The following TCN2 variants were observed in gnomAD, a reference collection of about 807,000 sequenced individuals.
The protein encoded by TCN2 is transcobalamin-2.
Under a neutral mutation model 48.6 loss-of-function variants are expected in TCN2, and 34 were observed. The ratio of observed to expected loss-of-function variants is 0.70; its 90% CI spans 0.53 to 0.93. The LOEUF is 0.93. Ranked by LOEUF, TCN2 falls within the 40% of genes least tolerant of loss-of-function variation. TCN2 has a pLI of 0.00. For missense variants in TCN2, 652 were observed against 526.1 expected (o/e 1.24, Z -2.34); for synonymous variants, 283 against 212.5 (o/e 1.33, Z -2.89).
intron 4 of TCN2, 146 bp downstream of exon 4, chr22:30,614,647 C>A: frequency 8.1e-7 from 1 of 1,231,940 alleles, no homozygotes; most frequent in Non-Finnish European, 1.1e-6. Flanking sequence ...TTGGCGAGGG[C>A]TCATGGGTGA....
rs73170808 is a variant in TCN2 at position 30,622,321 on chromosome 22, A to G, written c.1107-647A>G. ...GGAGTTTTAAGAGGCTTCCTGTGGC[A>G]GTGGCATCCAGACGGAGTGCAGAAA... is the stretch of plus-strand genomic sequence containing the variant. On this transcript the variant is annotated intron_variant, in intron 7 of 8. Coordinates refer to ENST00000215838, the MANE Select transcript of TCN2 (RefSeq NM_000355.4). 2.4e-3 allele frequency among the ~76,000 whole-genome samples: 369 copies of G among 152,332 alleles called. 1 individual carries two copies. The highest frequency in any genetic ancestry group is 3.8e-3 in the Non-Finnish European group (259 of 68,022).
intron 3 of TCN2, among the ~76,000 whole-genome samples, chr22:30,613,460 G>A (rs1156236562): frequency 6.6e-6 from 1 of 152,024 alleles, no homozygotes; most frequent in African/African-American, 2.4e-5. Context: ...TGTATTTTTA[G>A]TAGACGTGGG....
intron 5 of TCN2, 40 bp downstream of exon 5, chr22:30,615,513 C>G (rs554028117): frequency 3.1e-6 from 5 of 1,608,430 alleles, no homozygotes; most frequent in African/African-American, 1.3e-5. Context: ...CCCTGGGGAA[C>G]AGTCAGGGGT....
chr22:30,616,492 A>G (rs867215174), intron 6 of TCN2, among the ~76,000 whole-genome samples: 1,994 of 151,058 alleles, frequency 0.013, 37 homozygotes, highest in African/African-American at 0.046. Context: ...TGTCTCAAAA[A>G]AAAAAAAAAA....
chr22:30,612,856 A>G lies in TCN2; in HGVS notation c.258-17A>G. On this transcript the variant is annotated splice_polypyrimidine_tract_variant and intron_variant, in intron 2 of 8. Coordinates refer to ENST00000215838, the MANE Select transcript of TCN2 (RefSeq NM_000355.4). Reference sequence around the variant, plus strand: ...GGTGGCAGTTTCTCACAAAGGCATTAACTGGCCTTGTCCTAGGTCTGCCTT... The same window carrying G: ...GGTGGCAGTTTCTCACAAAGGCATTGACTGGCCTTGTCCTAGGTCTGCCTT... 1 of 1,612,766 alleles carries G rather than the reference A, an allele frequency of 6.2e-7. No homozygotes were observed. Among genetic ancestry groups the G allele is most frequent in the Non-Finnish European group, 8.5e-7 (1 of 1,179,936 alleles).
chr22:30,608,607 C>G (rs768148453), intron 1 of TCN2, among the ~76,000 whole-genome samples: 1 of 151,404 alleles, frequency 6.6e-6, no homozygotes, highest in Admixed American at 6.6e-5. Flanking sequence ...CCAGGCTGGT[C>G]TCGAACTCCT....
In TCN2 at chr22:30,626,514, G is replaced by A. The variant is rs1368832999; in HGVS notation, c.1277G>A (p.Ser426Asn). The A allele has an allele frequency of 6.2e-7, 1 of 1,614,122 alleles. No homozygotes were observed. The highest frequency in any genetic ancestry group is 8.5e-7 in the Non-Finnish European group (1 of 1,180,030). Reference sequence around the variant, plus strand: ...GAAACCATTGAGCTGAGGCTGGTTAGCTGGTAGCCCCTGAGCTCCCTCATC... The same window carrying A: ...GAAACCATTGAGCTGAGGCTGGTTAACTGGTAGCCCCTGAGCTCCCTCATC... ...DGETIELRLV[S>N]W The change falls in exon 9 of 9, where the codon AGC (serine) becomes AAC (asparagine). Residue 426 changes from serine (S) to asparagine (N), a missense_variant. Coordinates refer to ENST00000215838, the MANE Select transcript of TCN2 (RefSeq NM_000355.4).
In TCN2 at chr22:30,620,259, C is replaced by T. The variant is rs140004888; in HGVS notation, c.1107-2709C>T. On this transcript the variant is annotated intron_variant, in intron 7 of 8. Coordinates refer to ENST00000215838, the MANE Select transcript of TCN2 (RefSeq NM_000355.4). ...TTGAGGCCAGGAGTTCAAAACCAGC[C>T]GGGCCAACGTGGCGAAAGCCCGTCT... Among the ~76,000 whole-genome samples, 747 of 152,256 alleles carry T rather than the reference C, an allele frequency of 4.9e-3. 6 individuals carry two copies. The highest frequency in any genetic ancestry group is 0.026 in the South Asian group (124 of 4,826).
At position 30,615,386 on chromosome 22, in the gene TCN2, CA is replaced by C; in HGVS notation, c.667del (p.Ile223SerfsTer9). 1 of 1,614,170 alleles carries C rather than the reference CA, an allele frequency of 6.2e-7. No individual in the cohort carries two copies. The stretch of plus-strand genomic sequence containing the variant: ...GTCGGAGACAACGGATCACCATGGC[CA>C]TCAGAACAGTGCGAGAGGAGATCTT... Reference protein sequence around the residue: ...PGRRQRITMAIRTVREEILKA... With the variant: ...PGRRQRITMAXRTVREEILKA... On this transcript the variant is annotated frameshift_variant, in exon 5 of 9. Coordinates refer to ENST00000215838, the MANE Select transcript of TCN2 (RefSeq NM_000355.4). LOFTEE classifies it high-confidence loss of function.
intron 6 of TCN2, among the ~76,000 whole-genome samples, chr22:30,616,100 C>G (rs1449383563): frequency 1.3e-5 from 2 of 152,024 alleles, no homozygotes; most frequent in Non-Finnish European, 1.5e-5. Context: ...TTGGTTAACT[C>G]TAATACAACA....
chr22:30,610,218 C>T (rs1038359563), intron 1 of TCN2: 4 of 471,018 alleles, frequency 8.5e-6, no homozygotes, highest in African/African-American at 6.0e-5. Flanking sequence ...AATCTCAGGT[C>T]CTCTTCATTT....
intron 7 of TCN2, among the ~76,000 whole-genome samples, chr22:30,618,370 G>C (rs555896343): frequency 6.6e-6 from 1 of 150,828 alleles, no homozygotes; most frequent in African/African-American, 2.4e-5. Flanking sequence ...TATTTATTTC[G>C]AGACAGAGCC....
At position 30,607,293 on chromosome 22, in the gene TCN2, TC is replaced by T; in HGVS notation, c.-36del. ...CAGCAGGGCCAGCCCCAGGAGTCTTTCCCGATTCTTGCTCACTGCTCACCCA... is the reference window on the plus strand; with the variant it reads ...CAGCAGGGCCAGCCCCAGGAGTCTTTCCGATTCTTGCTCACTGCTCACCCA... On this transcript the variant is annotated 5_prime_UTR_variant, in exon 1 of 9. Transcript: ENST00000215838. 2 of 1,613,582 alleles carry T rather than the reference TC, an allele frequency of 1.2e-6. No homozygotes were observed. Among genetic ancestry groups the T allele is most frequent in the Non-Finnish European group, 1.7e-6 (2 of 1,179,590 alleles).
At chr22:30,610,789 G>A in intron 1 of TCN2, 82 bp from the exon 2 acceptor site, 1 of 1,482,208 alleles carries the variant, frequency 6.7e-7, no homozygotes, top group Non-Finnish European at 9.4e-7. Flanking sequence ...GTATTCTCTG[G>A]AGAAGGCCCT....
intron 8 of TCN2, chr22:30,623,344 T>G: frequency 7.0e-6 from 3 of 431,328 alleles, no homozygotes; most frequent in East Asian, 4.3e-5. Flanking sequence ...TAGGATATAC[T>G]ACCTAGGAAT....
rs1258577765 is a variant in TCN2 at position 30,615,357 on chromosome 22, C to T, written c.637C>T (p.Pro213Ser). The T allele has an allele frequency of 1.2e-6, 2 of 1,614,086 alleles. No individual in the cohort carries two copies. The highest frequency in any genetic ancestry group is 1.1e-5 in the South Asian group (1 of 91,086). Reference sequence around the variant, plus strand: ...CTGTCTGAAGCGCTCAAACTTCAACCCTGGTCGGAGACAACGGATCACCAT... The same window carrying T: ...CTGTCTGAAGCGCTCAAACTTCAACTCTGGTCGGAGACAACGGATCACCAT... ...FTCLKRSNFN[P>S]GRRQRITMAI... The change falls in exon 5 of 9, where the codon CCT (proline) becomes TCT (serine). Residue 213 changes from proline to serine, a missense_variant. By Grantham distance (74) the Pro-to-Ser change is moderately conservative. Coordinates refer to ENST00000215838, the MANE Select transcript of TCN2 (RefSeq NM_000355.4).
At chr22:30,626,382 TG>T (rs913908386) in intron 8 of TCN2, 77 bp from the exon 9 acceptor site, 2 of 1,466,732 alleles carry the variant, frequency 1.4e-6, no homozygotes, top group Middle Eastern at 1.8e-4. Context: ...AGCCTCAGGG[TG>T]GGGGGTCTGG....
Position 30,626,441 on chromosome 22 carries a change from G to C in TCN2, c.1223-19G>C. 1.2e-6 allele frequency: 2 copies of C among 1,614,060 alleles called. No individual in the cohort carries two copies. Among genetic ancestry groups the C allele is most frequent in the Non-Finnish European group, 1.7e-6 (2 of 1,179,964 alleles). On this transcript the variant is annotated intron_variant, in intron 8 of 8. Transcript: ENST00000215838. The stretch of plus-strand genomic sequence containing the variant: ...TATTCTGCCCAATTCGCCCCTCCTT[G>C]CTCAATCTGTTTCTGCAGGTATTGC...
At position 30,614,602 on chromosome 22, in the gene TCN2, T is replaced by C. The variant is rs1356180280; in HGVS notation, c.580+101T>C. The C allele has an allele frequency of 5.2e-6, 8 of 1,524,368 alleles. No homozygotes were observed. The Admixed American group carries it at 7.3e-5, about 14-fold the overall frequency. 94.4% of individuals were successfully genotyped at this position (1,524,368 alleles called of 1,614,324 possible). A position where few individuals can be genotyped will look rare whatever the true frequency, so the allele number is the denominator to read the frequency against. ...CCTGGCCCCCACACTCACCTTTCCT[T>C]GGGGCTCCTCCGAATCAAGTCCTTT... On this transcript the variant is annotated intron_variant, in intron 4 of 8. Coordinates refer to ENST00000215838, the MANE Select transcript of TCN2 (RefSeq NM_000355.4).
Sources: gnomAD v4.1 joint callset for allele counts (sites outside exome capture counted in the v4.1 genomes callset) on GRCh38, gnomAD v4.1.1 for gene constraint, MANE v1.5 for transcripts, NCBI Gene and HGNC (gene_info 2026-07-23, HGNC 2026-07-21) for gene names.